Variants in MECOM observed in about 807,000 individuals in gnomAD.
MECOM encodes MDS1 and EVI1 complex locus.
Under a neutral mutation model 116.3 loss-of-function variants are expected in MECOM, and 13 were observed. The ratio of observed to expected loss-of-function variants is 0.11; its 90% CI spans 0.07 to 0.18. The LOEUF (loss-of-function observed/expected upper bound fraction) is 0.18. Among genes scored for constraint, MECOM ranks in the 10% least tolerant of loss-of-function variants. The pLI is 1.00. For missense variants in MECOM, 1,299 were observed against 1,509.0 expected (o/e 0.86, Z 2.31); for synonymous variants, 528 against 535.2 (o/e 0.99, Z 0.19).
chr3:169,518,846 A>T (rs867982594), intron 1 of MECOM, among the ~76,000 whole-genome samples: 2 of 150,860 alleles, frequency 1.3e-5, no homozygotes, highest in South Asian at 2.1e-4. Context: ...TAAAAATGGG[A>T]GCTTCCCTGC....
At chr3:169,382,879 A>AAG in intron 1 of MECOM, among the ~76,000 whole-genome samples, 1 of 138,560 alleles carries the variant, frequency 7.2e-6, no homozygotes, top group African/African-American at 2.7e-5. Flanking sequence ...AAAAATAAAA[A>AAG]AAGAAGGTAA....
At chr3:169,486,055 AC>A (rs1752343937) in intron 1 of MECOM, among the ~76,000 whole-genome samples, 2 of 137,478 alleles carry the variant, frequency 1.5e-5, no homozygotes, top group African/African-American at 5.5e-5. Context: ...ATATATATAC[AC>A]TATCCCAGAG....
rs369231067 is a variant in MECOM at position 169,616,354 on chromosome 3, T to C, written c.37+46982A>G. Reference sequence around the variant, plus strand: ...TGGTTTTGGTTTTGGTTTTTTTGTTTTTTTGGTTGGAGATAGAGTCTTGCT... The same window carrying C: ...TGGTTTTGGTTTTGGTTTTTTTGTTCTTTTGGTTGGAGATAGAGTCTTGCT... On this transcript the variant is annotated intron_variant, in intron 1 of 16. Coordinates refer to ENST00000651503, the MANE Select transcript of MECOM (RefSeq NM_004991.4). Among the ~76,000 whole-genome samples, 9 of 152,262 alleles carry C rather than the reference T, an allele frequency of 5.9e-5. No individual in the cohort carries two copies. The East Asian group carries it at 1.7e-3, about 29-fold the overall frequency.
At chr3:169,328,600 T>C (rs1450321800) in intron 2 of MECOM, among the ~76,000 whole-genome samples, 22 of 152,222 alleles carry the variant, frequency 1.4e-4, no homozygotes. Context: ...TCTATGAATG[T>C]ATAGTGTGCA....
At chr3:169,158,527 C>T (rs1392506740) in intron 2 of MECOM, among the ~76,000 whole-genome samples, 1 of 152,116 alleles carries the variant, frequency 6.6e-6, no homozygotes, top group African/African-American at 2.4e-5. Flanking sequence ...GCCTTTTGTA[C>T]TATGAGTATC....
chr3:169,278,886 G>C (rs569687754), intron 2 of MECOM, among the ~76,000 whole-genome samples: 2 of 152,300 alleles, frequency 1.3e-5, no homozygotes, highest in Non-Finnish European at 2.9e-5. Flanking sequence ...GTTTTTTCCA[G>C]AGGTGTGGAG....
At chr3:169,117,764 A>C (rs1729634285) in intron 7 of MECOM, among the ~76,000 whole-genome samples, 2 of 152,220 alleles carry the variant, frequency 1.3e-5, no homozygotes, top group African/African-American at 4.8e-5. Context: ...ACTATAGCCA[A>C]GTATATTTTA....
intron 2 of MECOM, among the ~76,000 whole-genome samples, chr3:169,302,738 C>T (rs543293490): frequency 6.6e-5 from 10 of 152,022 alleles, no homozygotes; most frequent in Non-Finnish European, 1.2e-4. Flanking sequence ...GTGGCAGGCA[C>T]CTGTAATCCC....
At chr3:169,149,704 C>G in intron 2 of MECOM, 1 of 467,952 alleles carries the variant, frequency 2.1e-6, no homozygotes, top group Non-Finnish European at 4.3e-6. Context: ...CTTCTCTTCC[C>G]CAAATACAAC....
chr3:169,147,969 C>T (rs776358038), intron 2 of MECOM, among the ~76,000 whole-genome samples: 5 of 151,864 alleles, frequency 3.3e-5, no homozygotes, highest in African/African-American at 7.3e-5. Flanking sequence ...AAACAGCAAC[C>T]TCAAGAGTGA....
intron 1 of MECOM, among the ~76,000 whole-genome samples, chr3:169,550,061 T>C (rs1761192769): frequency 6.6e-6 from 1 of 152,138 alleles, no homozygotes; most frequent in Non-Finnish European, 1.5e-5. Flanking sequence ...TGAGTTAGAC[T>C]TTGAATGATG....
At position 169,147,733 on chromosome 3, in the gene MECOM, T is replaced by TGTGTGC. The variant is rs1553859061; in HGVS notation, c.376-3902_376-3901insGCACAC. 4.1e-6 allele frequency: 4 copies of TGTGTGC among 977,794 alleles called. No homozygotes were observed. The South Asian group carries it at 1.9e-4, about 46-fold the overall frequency. 60.6% of individuals were successfully genotyped at this position (977,794 alleles called of 1,614,324 possible). On this transcript the variant is annotated intron_variant, in intron 2 of 16. Coordinates refer to ENST00000651503, the MANE Select transcript of MECOM (RefSeq NM_004991.4). ...CAAGTGTGGTGTGTGTGTGTGTGTG[T>TGTGTGC]GCGCGCGAGTGTGTGTGTGCATGTG...
chr3:169,431,940 C>T lies in MECOM; in HGVS notation c.38-50416G>A, dbSNP rs77417404. Among the ~76,000 whole-genome samples the T allele has an allele frequency of 1.5e-3, 232 of 151,844 alleles. 3 individuals carry two copies. The highest frequency in any genetic ancestry group is 5.1e-3 in the African/African-American group (211 of 41,388). On this transcript the variant is annotated intron_variant, in intron 1 of 16. Coordinates refer to ENST00000651503, the MANE Select transcript of MECOM (RefSeq NM_004991.4). ...ATGGAGAAAACTGGTTTGATATGGC[C>T]ACATAATCTGATACTTCAAGATAAA...
intron 2 of MECOM, among the ~76,000 whole-genome samples, chr3:169,336,592 T>C (rs1723623809): frequency 6.6e-6 from 1 of 152,114 alleles, no homozygotes; most frequent in Non-Finnish European, 1.5e-5. Context: ...TAAAACACTG[T>C]ATTTCTTCCT....
In MECOM at chr3:169,122,540, A is replaced by G. The variant is rs775734250; in HGVS notation, c.978+40T>C. The G allele has an allele frequency of 8.7e-6, 14 of 1,611,486 alleles. No individual in the cohort carries two copies. In the African/African-American group the frequency reaches 1.7e-4, roughly 20 times the overall value. On this transcript the variant is annotated intron_variant, in intron 6 of 16. Transcript: ENST00000651503. ...AAGTGATGGATTAAGAGAGAGCAGG[A>G]TGACATAGAGAGGCCAAGTAGCCTA...
chr3:169,540,786 T>C (rs917724542), intron 1 of MECOM, among the ~76,000 whole-genome samples: 2 of 152,176 alleles, frequency 1.3e-5, no homozygotes, highest in African/African-American at 2.4e-5. Flanking sequence ...AATACCTCCA[T>C]GGGCTGCAAG....
intron 1 of MECOM, among the ~76,000 whole-genome samples, chr3:169,443,550 C>G (rs988422480): frequency 6.6e-6 from 1 of 152,216 alleles, no homozygotes; most frequent in Admixed American, 6.5e-5. Flanking sequence ...TATCTGCCCT[C>G]AAATAGTTAA....
chr3:169,204,511 C>G lies in MECOM; in HGVS notation c.376-60679G>C, dbSNP rs1036367630. Among the ~76,000 whole-genome samples the G allele has an allele frequency of 1.3e-5, 2 of 152,140 alleles. 1 individual carries two copies. Among genetic ancestry groups the G allele is most frequent in the African/African-American group, 4.8e-5 (2 of 41,432 alleles). ...AAACAGAATTATTTATATGCCCCTG[C>G]CTACTCTGCAAGCAAATTTACAAGG... is the stretch of plus-strand genomic sequence containing the variant. On this transcript the variant is annotated intron_variant, in intron 2 of 16. Transcript: ENST00000651503.
At chr3:169,470,915 G>A (rs887121033) in intron 1 of MECOM, among the ~76,000 whole-genome samples, 4 of 152,082 alleles carry the variant, frequency 2.6e-5, no homozygotes, top group Non-Finnish European at 5.9e-5. Context: ...ACTTTTAAAT[G>A]CCTAATGTCC....
Sources: allele counts gnomAD v4.1 joint callset (sites outside exome capture counted in the v4.1 genomes callset), GRCh38; gene constraint gnomAD v4.1.1; transcripts MANE v1.5; gene names NCBI Gene and HGNC (gene_info 2026-07-23, HGNC 2026-07-21).